Variants in ASH1L observed in about 807,000 individuals in gnomAD.
ASH1L encodes histone-lysine N-methyltransferase ASH1L.
Under a neutral mutation model 269.0 loss-of-function variants are expected in ASH1L, and 23 were observed. The observed-to-expected ratio is 0.09, with a 90% CI of 0.06 to 0.12. The LOEUF (loss-of-function observed/expected upper bound fraction) is 0.12. Among genes scored for constraint, ASH1L ranks in the 10% least tolerant of loss-of-function variants. The pLI, the probability that ASH1L is intolerant of heterozygous loss-of-function variation, is 1.00. For synonymous variants in ASH1L, 1,187 were observed against 1,253.5 expected (o/e 0.95, Z 1.12); for missense variants, 2,912 against 3,567.8 (o/e 0.82, Z 4.68).
At chr1:155,347,250 A>G (rs1218531807) in intron 20 of ASH1L, among the ~76,000 whole-genome samples, 1 of 152,128 alleles carries the variant, frequency 6.6e-6, no homozygotes, top group African/African-American at 2.4e-5. Context: ...AGTACAAAAA[A>G]TTAGCCGGGC....
chr1:155,560,970 G>GCATACTCAGATTTGCCGACA, intron 1 of ASH1L, among the ~76,000 whole-genome samples: 1 of 151,426 alleles, frequency 6.6e-6, no homozygotes, highest in Non-Finnish European at 1.5e-5. Flanking sequence ...TATCTTTCCA[G>GCATACTCAGATTTGCCGACA]CATACTCAGA....
chr1:155,368,637 G>C (rs1240703261), intron 12 of ASH1L, among the ~76,000 whole-genome samples: 3 of 151,540 alleles, frequency 2.0e-5, no homozygotes, highest in East Asian at 3.9e-4. Context: ...TTGTATTTTT[G>C]GTAGAGATGG....
chr1:155,398,366 T>G (rs1302193375), intron 6 of ASH1L, among the ~76,000 whole-genome samples: 4 of 152,236 alleles, frequency 2.6e-5, no homozygotes, highest in Admixed American at 1.3e-4. Flanking sequence ...CTAGATGGTA[T>G]AGCTTATAGG....
Position 155,346,104 on chromosome 1 carries a change from G to C in ASH1L, c.7890+279C>G, listed in dbSNP as rs549921219. ...CCGCCTTAGCCTCCCAGTGTGCTAG[G>C]ATTACAGGCATGAGCGACCGTGCCC... On this transcript the variant is annotated intron_variant, in intron 21 of 27. Transcript: ENST00000392403. 4 of 1,271,088 alleles carry C rather than the reference G, an allele frequency of 3.1e-6. 1 individual carries two copies. The highest frequency in any genetic ancestry group is 4.1e-6 in the Non-Finnish European group (4 of 964,682). 78.7% of individuals were successfully genotyped at this position (1,271,088 alleles called of 1,614,324 possible).
At position 155,454,996 on chromosome 1, in the gene ASH1L, C is replaced by A. The variant is rs1044184750; in HGVS notation, c.5086+4801G>T. ...TCATCAATGTAACAATATTTGTAAA[C>A]CAGCTATAAAAAGACGAAATGATTC... On this transcript the variant is annotated intron_variant, in intron 4 of 27. Transcript: ENST00000392403. 3.9e-5 allele frequency among the ~76,000 whole-genome samples: 6 copies of A among 152,074 alleles called. No homozygotes were observed. In the South Asian group the frequency reaches 1.0e-3, roughly 26 times the overall value.
At chr1:155,464,052 C>T (rs1254647818) in intron 3 of ASH1L, among the ~76,000 whole-genome samples, 4 of 152,150 alleles carry the variant, frequency 2.6e-5, no homozygotes, top group Non-Finnish European at 4.4e-5. Flanking sequence ...AACCAGAAGA[C>T]GTCTGGCTTT....
At chr1:155,365,699 G>C (rs377471667) in intron 12 of ASH1L, among the ~76,000 whole-genome samples, 4 of 152,090 alleles carry the variant, frequency 2.6e-5, no homozygotes, top group Non-Finnish European at 5.9e-5. Flanking sequence ...ACCAAACTTG[G>C]CTTAGAGAGC....
At chr1:155,454,020 G>A (rs933153536) in intron 4 of ASH1L, among the ~76,000 whole-genome samples, 1 of 151,956 alleles carries the variant, frequency 6.6e-6, no homozygotes, top group African/African-American at 2.4e-5. Context: ...CAGGAGAATG[G>A]CATGAACCTG....
rs1014218544 is a variant in ASH1L at position 155,461,202 on chromosome 1, C to T, written c.4985-1304G>A. Among the ~76,000 whole-genome samples the T allele has an allele frequency of 4.6e-5, 7 of 152,310 alleles. No homozygotes were observed. The South Asian group carries it at 6.2e-4, about 14-fold the overall frequency. On this transcript the variant is annotated intron_variant, in intron 3 of 27. Coordinates refer to ENST00000392403, the MANE Select transcript of ASH1L (RefSeq NM_018489.3). ...TTAATTCTCTAAGAAAACTTAGGGTCAGAAGAACTGAATGGAGCTAAGTTG... is the reference window on the plus strand; with the variant it reads ...TTAATTCTCTAAGAAAACTTAGGGTTAGAAGAACTGAATGGAGCTAAGTTG...
At position 155,337,541 on chromosome 1, in the gene ASH1L, G is replaced by A. The variant is rs1652413234; in HGVS notation, c.*119C>T. 1.3e-6 allele frequency: 1 copy of A among 772,138 alleles called. No individual in the cohort carries two copies. Among genetic ancestry groups the A allele is most frequent in the Admixed American group, 2.0e-5 (1 of 50,348 alleles). The allele number at this position is 772,138 out of a possible 1,614,324, so 47.8% of individuals were successfully genotyped here. A position where few individuals can be genotyped will look rare whatever the true frequency, so the allele number is the denominator to read the frequency against. ...ATTAAGTACCTAATGTCAACAACAT[G>A]GCCCCATTCCCCTTGCCCAGATGGA... On this transcript the variant is annotated 3_prime_UTR_variant, in exon 28 of 28. Transcript: ENST00000392403.
At chr1:155,473,796 A>T (rs1665308408) in intron 3 of ASH1L, among the ~76,000 whole-genome samples, 1 of 151,956 alleles carries the variant, frequency 6.6e-6, no homozygotes. Context: ...CACCATTCCC[A>T]GCCTCTTTAT....
At chr1:155,414,253 C>A (rs1660030547) in intron 6 of ASH1L, among the ~76,000 whole-genome samples, 2 of 152,042 alleles carry the variant, frequency 1.3e-5, no homozygotes, top group East Asian at 3.9e-4. Flanking sequence ...AAACCTATAC[C>A]TTTCACATCC....
At chr1:155,558,213 A>C (rs1203086671) in intron 1 of ASH1L, among the ~76,000 whole-genome samples, 1 of 152,186 alleles carries the variant, frequency 6.6e-6, no homozygotes, top group Non-Finnish European at 1.5e-5. Flanking sequence ...TCACACCTGT[A>C]ATCCCAACAC....
chr1:155,358,495 C>T (rs1210375964), intron 13 of ASH1L, among the ~76,000 whole-genome samples: 1 of 151,826 alleles, frequency 6.6e-6, no homozygotes. Context: ...ACCATCCTGG[C>T]TAACATGGTA....
chr1:155,338,679 A>T (rs953820690), intron 26 of ASH1L, among the ~76,000 whole-genome samples: 2 of 152,360 alleles, frequency 1.3e-5, no homozygotes, highest in African/African-American at 4.8e-5. Flanking sequence ...AGCTGGTTCT[A>T]AATGACTGCT....
At chr1:155,535,778 G>A (rs777820690) in intron 1 of ASH1L, among the ~76,000 whole-genome samples, 12 of 152,002 alleles carry the variant, frequency 7.9e-5, no homozygotes, top group Admixed American at 2.0e-4. Context: ...CAGATCACCC[G>A]AGGTTGGGTT....
Position 155,521,079 on chromosome 1 carries a change from ATT to A in ASH1L, c.420+19_420+20del. On this transcript the variant is annotated intron_variant, in intron 2 of 27. Transcript: ENST00000392403. ...ATGAAAATATTGTCAATAACCACAT[ATT>A]GTTAGGAATTCTACTTACTCGTTTT... is the stretch of plus-strand genomic sequence containing the variant. 6.4e-7 allele frequency: 1 copy of A among 1,565,898 alleles called. No homozygotes were observed. Among genetic ancestry groups the A allele is most frequent in the African/African-American group, 1.4e-5 (1 of 72,508 alleles).
chr1:155,452,187 C>T (rs1157954445), intron 4 of ASH1L, among the ~76,000 whole-genome samples: 2 of 151,344 alleles, frequency 1.3e-5, no homozygotes, highest in Non-Finnish European at 2.9e-5. Context: ...TACAGGCGCC[C>T]GCCATCATAC....
At position 155,405,025 on chromosome 1, in the gene ASH1L, TAAA is replaced by T. The variant is rs1489099599; in HGVS notation, c.6009-9475_6009-9473del. On this transcript the variant is annotated intron_variant, in intron 6 of 27. Coordinates refer to ENST00000392403, the MANE Select transcript of ASH1L (RefSeq NM_018489.3). ...CCTGGTGACAGAGTGAGACTCCATC[TAAA>T]AAAAAATAATAATAATAGAATAAAA... 1.7e-3 allele frequency among the ~76,000 whole-genome samples: 261 copies of T among 150,064 alleles called. 3 individuals are homozygous for T. Among genetic ancestry groups the T allele is most frequent in the Admixed American group, 0.017 (255 of 14,998 alleles).
Sources: allele counts gnomAD v4.1 joint callset (sites outside exome capture counted in the v4.1 genomes callset), GRCh38; gene constraint gnomAD v4.1.1; transcripts MANE v1.5; gene names NCBI Gene and HGNC (gene_info 2026-07-23, HGNC 2026-07-21).